The following SLC6A11 variants were observed in gnomAD, a reference collection of about 807,000 sequenced individuals.
SLC6A11 encodes the protein solute carrier family 6 member 11.
In SLC6A11, 25 loss-of-function variants were observed where a neutral mutation model predicts 74.8. The observed-to-expected ratio is 0.33, with a 90% CI of 0.24 to 0.47. The LOEUF is 0.47. Ranked by LOEUF, SLC6A11 falls within the 20% of genes least tolerant of loss-of-function variation. The pLI is 1.00. For synonymous variants in SLC6A11, 330 were observed against 330.2 expected (o/e 1.00, Z 0.01); for missense variants, 574 against 837.0 (o/e 0.69, Z 3.88).
chr3:10,868,209 T>C (rs1288907154), intron 5 of SLC6A11, among the ~76,000 whole-genome samples: 1 of 152,174 alleles, frequency 6.6e-6, no homozygotes, highest in Non-Finnish European at 1.5e-5. Flanking sequence ...TCTTCTGATT[T>C]TGTGGTCCTA....
chr3:10,889,051 C>T (rs1395998614), intron 6 of SLC6A11, among the ~76,000 whole-genome samples: 1 of 152,012 alleles, frequency 6.6e-6, no homozygotes, highest in African/African-American at 2.4e-5. Context: ...CCCCCCTCTC[C>T]AAAATTGCAC....
At chr3:10,925,733 A>G (rs1695595983) in intron 8 of SLC6A11, among the ~76,000 whole-genome samples, 1 of 152,180 alleles carries the variant, frequency 6.6e-6, no homozygotes, top group African/African-American at 2.4e-5. Context: ...ACATGTCCAG[A>G]GGAAGGTCCA....
At chr3:10,888,449 T>C (rs1695069887) in intron 6 of SLC6A11, among the ~76,000 whole-genome samples, 1 of 152,108 alleles carries the variant, frequency 6.6e-6, no homozygotes, top group African/African-American at 2.4e-5. Context: ...CTGGCAGCTG[T>C]GATGTTACAG....
intron 4 of SLC6A11, 92 bp downstream of exon 4, chr3:10,823,484 G>C (rs1694164125): frequency 1.2e-6 from 1 of 836,948 alleles, no homozygotes; most frequent in African/African-American, 1.7e-5. Flanking sequence ...GAAAAAGCCT[G>C]ATCCTTCTTG....
chr3:10,823,531 A>G (rs1467162002), intron 4 of SLC6A11, 139 bp downstream of exon 4: 22 of 639,888 alleles, frequency 3.4e-5, no homozygotes, highest in Non-Finnish European at 5.7e-5. Context: ...AGCATTCGAC[A>G]GCTTCGGAAG....
chr3:10,861,328 C>A (rs1431846921), intron 5 of SLC6A11, among the ~76,000 whole-genome samples: 10 of 152,112 alleles, frequency 6.6e-5, no homozygotes, highest in Admixed American at 6.5e-4. Flanking sequence ...CCAGTCTGAG[C>A]AACATAGCAA....
chr3:10,822,455 T>C (rs1037637477), intron 3 of SLC6A11, among the ~76,000 whole-genome samples: 3 of 152,208 alleles, frequency 2.0e-5, no homozygotes, highest in Non-Finnish European at 4.4e-5. Context: ...CCAGTGACTT[T>C]ATAGAGGAGG....
At chr3:10,852,675 G>T (rs570197950) in intron 5 of SLC6A11, among the ~76,000 whole-genome samples, 3 of 152,352 alleles carry the variant, frequency 2.0e-5, no homozygotes, top group African/African-American at 7.2e-5. Context: ...TGGCGCCTGT[G>T]CAGCGCTGTC....
At chr3:10,873,614 G>A (rs139961544) in intron 5 of SLC6A11, among the ~76,000 whole-genome samples, 2 of 98,436 alleles carry the variant, frequency 2.0e-5, no homozygotes, top group Admixed American at 1.0e-4. Flanking sequence ...CCTATGCCAT[G>A]CTATCCTATC....
intron 10 of SLC6A11, among the ~76,000 whole-genome samples, chr3:10,930,783 C>T (rs1053337641): frequency 6.6e-6 from 1 of 152,152 alleles, no homozygotes; most frequent in Admixed American, 6.5e-5. Flanking sequence ...CTCACCGAGT[C>T]TCTGATACCC....
intron 5 of SLC6A11, among the ~76,000 whole-genome samples, chr3:10,855,544 C>G (rs1010524641): frequency 6.6e-6 from 1 of 152,208 alleles, no homozygotes; most frequent in African/African-American, 2.4e-5. Context: ...CTGTTTGCCT[C>G]TTGTGTCTCT....
At chr3:10,820,123 G>A (rs1191732274) in intron 3 of SLC6A11, among the ~76,000 whole-genome samples, 1 of 152,228 alleles carries the variant, frequency 6.6e-6, no homozygotes, top group Non-Finnish European at 1.5e-5. Flanking sequence ...TGCAGAGACT[G>A]AGCCCTTTGG....
intron 13 of SLC6A11, 125 bp downstream of exon 13, chr3:10,935,324 ACTC>A: frequency 2.5e-6 from 2 of 811,424 alleles, no homozygotes; most frequent in South Asian, 3.3e-5. Flanking sequence ...GCTGTGGCAA[ACTC>A]CTCTCTGGCC....
At chr3:10,880,725 C>A (rs548850206) in intron 6 of SLC6A11, among the ~76,000 whole-genome samples, 1 of 152,244 alleles carries the variant, frequency 6.6e-6, no homozygotes, top group Admixed American at 6.5e-5. Context: ...GTGAAATGAG[C>A]ACTTGGTGGG....
At chr3:10,825,753 A>G (rs757773536) in intron 4 of SLC6A11, among the ~76,000 whole-genome samples, 4 of 152,232 alleles carry the variant, frequency 2.6e-5, no homozygotes, top group Non-Finnish European at 5.9e-5. Context: ...GTTTTAATAT[A>G]TAAATAACCT....
rs1575699917 is a variant in SLC6A11, at chr3:10,912,296, G to C, written c.995+103G>C. On this transcript the variant is annotated intron_variant, in intron 7 of 13. Transcript: ENST00000254488. ...GTCTGCCCACCTTGCAGGGCCCCAG[G>C]AGGAGATAGATAGGCTGTTTGTTGG... 25 of 793,788 alleles carry C rather than the reference G, an allele frequency of 3.1e-5. No individual in the cohort carries two copies. In the East Asian group the frequency reaches 6.2e-4, roughly 20 times the overall value. 49.2% of individuals were successfully genotyped at this position (793,788 alleles called of 1,614,324 possible). A position where few individuals can be genotyped will look rare whatever the true frequency, so the allele number is the denominator to read the frequency against.
chr3:10,882,975 C>T (rs1323934859), intron 6 of SLC6A11, among the ~76,000 whole-genome samples: 1 of 150,472 alleles, frequency 6.6e-6, no homozygotes, highest in Non-Finnish European at 1.5e-5. Flanking sequence ...TCTGGAACAC[C>T]GGTGGCAGTC....
At chr3:10,826,429 C>G (rs919316138) in intron 4 of SLC6A11, among the ~76,000 whole-genome samples, 8 of 152,210 alleles carry the variant, frequency 5.3e-5, no homozygotes, top group Non-Finnish European at 8.8e-5. Flanking sequence ...AGAACAGTTT[C>G]TTTCACCTTT....
At chr3:10,886,713 C>G (rs974670495) in intron 6 of SLC6A11, among the ~76,000 whole-genome samples, 6 of 151,408 alleles carry the variant, frequency 4.0e-5, no homozygotes, top group African/African-American at 7.3e-5. Context: ...AGGATGAAAC[C>G]GGAGAATTGC....
Sources: allele counts gnomAD v4.1 joint callset (sites outside exome capture counted in the v4.1 genomes callset), GRCh38; gene constraint gnomAD v4.1.1; transcripts MANE v1.5; gene names NCBI Gene and HGNC (gene_info 2026-07-23, HGNC 2026-07-21).